Variants in FYB1 observed in about 807,000 individuals in gnomAD.
The protein encoded by FYB1 is FYN binding protein 1, also known as FYN-binding protein 1.
FYB1 carries 41 observed loss-of-function variants against 94.1 expected under a neutral mutation model. The ratio of observed to expected loss-of-function variants is 0.44; its 90% confidence interval spans 0.34 to 0.57. The LOEUF (loss-of-function observed/expected upper bound fraction) is 0.57. Among genes scored for constraint, FYB1 ranks in the 20% least tolerant of loss-of-function variants. The probability of loss-of-function intolerance (pLI) is 0.02; values close to 1 mark genes in which losing one functional copy is unlikely to be tolerated. For missense variants in FYB1, 1,050 were observed against 976.8 expected, an observed-to-expected ratio of 1.07 and a Z score of -1.00; for synonymous variants, 367 against 353.2, an observed-to-expected ratio of 1.04 and a Z score of -0.44.
At chr5:39,203,040 A>G in intron 1 of FYB1, 53 bp from the exon 2 acceptor site, 1 of 1,499,312 alleles carries the variant, frequency 6.7e-7, no homozygotes, top group East Asian at 2.3e-5. Flanking sequence ...TTACTTGCAC[A>G]GTTTAAAATA....
At chr5:39,227,021 T>C (rs1324124817) in intron 1 of FYB1, among the ~76,000 whole-genome samples, 1 of 152,232 alleles carries the variant, frequency 6.6e-6, no homozygotes, top group Non-Finnish European at 1.5e-5. Context: ...TATATCTGGG[T>C]GCAGAGAATA....
At chr5:39,138,782 A>G (rs780801965) in intron 5 of FYB1, 91 bp from the exon 6 acceptor site, 1 of 783,404 alleles carries the variant, frequency 1.3e-6, no homozygotes, top group South Asian at 1.5e-5. Flanking sequence ...TGAAGGCAAC[A>G]ATGTAAATTT....
At chr5:39,267,110 TA>T (rs1324261681) in intron 1 of FYB1, among the ~76,000 whole-genome samples, 4 of 152,150 alleles carry the variant, frequency 2.6e-5, no homozygotes, top group Non-Finnish European at 5.9e-5. Context: ...ACAGGGGGAA[TA>T]GGAATAACTA....
upstream of FYB1, among the ~76,000 whole-genome samples, chr5:39,223,411 T>C (rs1278596024): frequency 6.6e-6 from 1 of 152,218 alleles, no homozygotes; most frequent in African/African-American, 2.4e-5. Flanking sequence ...AGGAAACCAG[T>C]AATGTAATAT....
At chr5:39,271,491 T>C (rs185909277) in intron 1 of FYB1, among the ~76,000 whole-genome samples, 130 of 152,310 alleles carry the variant, frequency 8.5e-4, no homozygotes, top group African/African-American at 3.0e-3. Context: ...GATTCCTTTT[T>C]TGGTGGTTGC....
intron 2 of FYB1, among the ~76,000 whole-genome samples, chr5:39,162,447 G>C (rs1744334559): frequency 3.3e-5 from 5 of 152,090 alleles, no homozygotes. Context: ...AGCACTTTGG[G>C]AGGCCGAGGT....
upstream of FYB1, among the ~76,000 whole-genome samples, chr5:39,222,051 A>C (rs1362650424): frequency 6.6e-6 from 1 of 152,038 alleles, no homozygotes; most frequent in Admixed American, 6.6e-5. Flanking sequence ...AATAAAATAA[A>C]ATGAAATAAT....
chr5:39,142,777 G>T (rs1315280561), intron 3 of FYB1, among the ~76,000 whole-genome samples: 7 of 152,066 alleles, frequency 4.6e-5, no homozygotes, highest in African/African-American at 1.7e-4. Context: ...CTTCTTCCCT[G>T]AGAGTATTCT....
chr5:39,148,156 TA>T (rs1289926680), intron 3 of FYB1, among the ~76,000 whole-genome samples: 539 of 4,464 alleles, frequency 0.12, 8 homozygotes, highest in Non-Finnish European at 0.15. Flanking sequence ...ATGTATTTTT[TA>T]TATATATATA....
chr5:39,274,440 TCTC>T (rs1189068554), exon 1 of FYB1: 1 of 152,220 alleles, frequency 6.6e-6, no homozygotes, highest in East Asian at 1.9e-4. Flanking sequence ...AGCTCACTGA[TCTC>T]CTGTTTTTTT....
chr5:39,141,853 T>C (rs1196281165), intron 3 of FYB1, among the ~76,000 whole-genome samples: 1 of 148,992 alleles, frequency 6.7e-6, no homozygotes, highest in African/African-American at 2.5e-5. Flanking sequence ...GCCTGTGCAA[T>C]AGAGTAAGAT....
At chr5:39,193,429 C>A (rs1747541131) in intron 2 of FYB1, among the ~76,000 whole-genome samples, 1 of 152,138 alleles carries the variant, frequency 6.6e-6, no homozygotes, top group Non-Finnish European at 1.5e-5. Flanking sequence ...ATCTAAAACT[C>A]ACTAGCGGTC....
At chr5:39,205,303 C>T (rs966573458) in intron 1 of FYB1, among the ~76,000 whole-genome samples, 2 of 152,146 alleles carry the variant, frequency 1.3e-5, no homozygotes, top group African/African-American at 4.8e-5. Flanking sequence ...CGCTATGTAA[C>T]CTTGGACAAA....
chr5:39,153,630 T>C lies in FYB1; in HGVS notation c.1136-26A>G, dbSNP rs756364409. 9.5e-6 allele frequency: 15 copies of C among 1,579,452 alleles called. No homozygotes were observed. The East Asian group carries it at 3.2e-4, about 33-fold the overall frequency. ...CTAAGAAGCAAAGCAAACAATACCATGAATTAAGACAAATCTTCAAAAAGA... is the reference window on the plus strand; with the variant it reads ...CTAAGAAGCAAAGCAAACAATACCACGAATTAAGACAAATCTTCAAAAAGA... On this transcript the variant is annotated intron_variant, in intron 2 of 18. Coordinates refer to ENST00000512982, the MANE Select transcript of FYB1 (RefSeq NM_001465.6).
chr5:39,205,806 A>G (rs1748796181), intron 1 of FYB1, among the ~76,000 whole-genome samples: 1 of 152,152 alleles, frequency 6.6e-6, no homozygotes, highest in African/African-American at 2.4e-5. Context: ...GTGATCTAGC[A>G]TGGTAGTTAT....
chr5:39,141,208 GA>G (rs1554024900), intron 3 of FYB1, 67 bp from the exon 4 acceptor site: 7 of 1,041,346 alleles, frequency 6.7e-6, no homozygotes, highest in Non-Finnish European at 8.7e-6. Flanking sequence ...ATGAAAAAGG[GA>G]AAAGGATTAT....
At chr5:39,134,422 A>G in intron 8 of FYB1, 73 bp from the exon 9 acceptor site, 2 of 1,255,142 alleles carry the variant, frequency 1.6e-6, no homozygotes, top group Non-Finnish European at 2.2e-6. Flanking sequence ...TAAAATATCA[A>G]TTGCACATTT....
chr5:39,258,467 G>C (rs1242133119), intron 1 of FYB1, among the ~76,000 whole-genome samples: 3 of 152,272 alleles, frequency 2.0e-5, no homozygotes, highest in Admixed American at 6.5e-5. Context: ...GGGTGTGGTG[G>C]TGCATGTCTG....
intron 1 of FYB1, chr5:39,269,946 G>A (rs1262910320): frequency 1.3e-5 from 2 of 152,010 alleles, no homozygotes; most frequent in African/African-American, 4.8e-5. Flanking sequence ...TTATGAAGCA[G>A]AATATTACTG....
Sources: allele counts gnomAD v4.1 joint callset (sites outside exome capture counted in the v4.1 genomes callset), GRCh38; gene constraint gnomAD v4.1.1; transcripts MANE v1.5; gene names NCBI Gene and HGNC (gene_info 2026-07-23, HGNC 2026-07-21).